Variants in EIF4G3 observed in about 807,000 individuals in gnomAD.
EIF4G3 encodes the protein eIF-4-gamma 3.
EIF4G3 carries 34 observed loss-of-function variants against 186.4 expected under a neutral mutation model. The ratio of observed to expected loss-of-function variants is 0.18; its 90% CI spans 0.14 to 0.24. The LOEUF (loss-of-function observed/expected upper bound fraction) is 0.24, where lower values mean the gene tolerates loss of function less well. Among genes scored for constraint, EIF4G3 ranks in the 10% least tolerant of loss-of-function variants. The pLI is 1.00. For missense variants in EIF4G3, 1,536 were observed against 1,948.5 expected (o/e 0.79, Z 3.99); for synonymous variants, 673 against 679.5 (o/e 0.99, Z 0.15).
chr1:20,960,560 T>G (rs748765953), intron 12 of EIF4G3, among the ~76,000 whole-genome samples: 10 of 152,044 alleles, frequency 6.6e-5, no homozygotes, highest in Non-Finnish European at 1.5e-4. Context: ...GAGACCAGTC[T>G]GGGCAACATA....
chr1:21,130,547 G>A (rs922861387), intron 2 of EIF4G3, among the ~76,000 whole-genome samples: 1 of 151,882 alleles, frequency 6.6e-6, no homozygotes, highest in Non-Finnish European at 1.5e-5. Context: ...AATATCTCAC[G>A]GTAAAGGCCT....
chr1:21,040,545 T>C (rs1434560995), intron 4 of EIF4G3, among the ~76,000 whole-genome samples: 1 of 152,180 alleles, frequency 6.6e-6, no homozygotes, highest in Admixed American at 6.5e-5. Flanking sequence ...CCGGGACGTA[T>C]GGCTGGTATC....
chr1:20,830,424 G>A (rs775689432), intron 30 of EIF4G3, among the ~76,000 whole-genome samples: 3 of 152,186 alleles, frequency 2.0e-5, no homozygotes, highest in Non-Finnish European at 4.4e-5. Flanking sequence ...GCCGAGGACG[G>A]TGTCTGTGCT....
chr1:20,919,201 C>T (rs2094246996), intron 14 of EIF4G3, among the ~76,000 whole-genome samples: 1 of 152,042 alleles, frequency 6.6e-6, no homozygotes, highest in Non-Finnish European at 1.5e-5. Context: ...CAAGACAAAA[C>T]CCAACATTTA....
intron 33 of EIF4G3, among the ~76,000 whole-genome samples, chr1:20,823,805 G>C (rs1184414703): frequency 1.3e-5 from 2 of 152,122 alleles, no homozygotes; most frequent in Non-Finnish European, 2.9e-5. Context: ...AGTCCATGGG[G>C]TCTAAATCTA....
chr1:20,903,337 A>G (rs1449446121), intron 15 of EIF4G3, among the ~76,000 whole-genome samples: 1 of 152,166 alleles, frequency 6.6e-6, no homozygotes, highest in Non-Finnish European at 1.5e-5. Flanking sequence ...CAAGCTGAAG[A>G]TTAGGATGAA....
intron 12 of EIF4G3, 84 bp from the exon 13 acceptor site, chr1:20,950,195 A>G: frequency 1.1e-6 from 1 of 887,130 alleles, no homozygotes; most frequent in Non-Finnish European, 1.7e-6. Flanking sequence ...AGTAGGGAAG[A>G]CAGTAGAGCA....
chr1:20,989,728 T>C (rs934208413), intron 7 of EIF4G3, among the ~76,000 whole-genome samples: 2 of 152,028 alleles, frequency 1.3e-5, no homozygotes, highest in African/African-American at 4.8e-5. Context: ...GTGAACATTG[T>C]TGAAAGGACA....
At chr1:20,949,165 T>G (rs1165996729) in intron 13 of EIF4G3, among the ~76,000 whole-genome samples, 6 of 152,110 alleles carry the variant, frequency 3.9e-5, no homozygotes, top group Non-Finnish European at 8.8e-5. Context: ...TTCCCCGAAC[T>G]ATGTTTAGAA....
chr1:20,986,704 A>ATGCCAC (rs954985311), intron 7 of EIF4G3, among the ~76,000 whole-genome samples: 2 of 135,260 alleles, frequency 1.5e-5, no homozygotes, highest in African/African-American at 5.3e-5. Context: ...AGCCAAGATC[A>ATGCCAC]TGCCACTGCA....
intron 2 of EIF4G3, among the ~76,000 whole-genome samples, chr1:21,114,028 T>A (rs553913784): frequency 6.6e-6 from 1 of 152,250 alleles, no homozygotes; most frequent in East Asian, 1.9e-4. Context: ...TTTTTTTAAA[T>A]CTTATCTGTT....
Position 21,077,183 on chromosome 1 carries a change from G to T in EIF4G3, c.-196+11955C>A, listed in dbSNP as rs1037466149. Among the ~76,000 whole-genome samples, 4 of 152,156 alleles carry T rather than the reference G, an allele frequency of 2.6e-5. No homozygotes were observed. The South Asian group carries it at 8.3e-4, about 32-fold the overall frequency. On this transcript the variant is annotated intron_variant, in intron 3 of 36. Coordinates refer to ENST00000602326, the MANE Select transcript of EIF4G3 (RefSeq NM_001391906.1). ...AGGTCAAGATAGGAGGACTGCTTGA[G>T]CCCAGGCATTCAAGACCATCCTGGG...
chr1:20,999,722 T>C lies in EIF4G3; in HGVS notation c.144+1477A>G, dbSNP rs1160713987. 10 of 454,620 alleles carry C rather than the reference T, an allele frequency of 2.2e-5. 1 individual carries two copies. Among genetic ancestry groups the C allele is most frequent in the Admixed American group, 1.4e-4 (6 of 42,402 alleles). The allele number at this position is 454,620 out of a possible 1,614,324, so 28.2% of individuals were successfully genotyped here. A position where few individuals can be genotyped will look rare whatever the true frequency, so the allele number is the denominator to read the frequency against. Reference sequence around the variant, plus strand: ...CTAGTCTATTTTGCACTAGTCACCATTGGCTATTGAGTTTTTCATTTGAAA... The same window carrying C: ...CTAGTCTATTTTGCACTAGTCACCACTGGCTATTGAGTTTTTCATTTGAAA... On this transcript the variant is annotated intron_variant, in intron 6 of 36. Coordinates refer to ENST00000602326, the MANE Select transcript of EIF4G3 (RefSeq NM_001391906.1).
chr1:20,857,745 A>G (rs1444230706), intron 24 of EIF4G3, among the ~76,000 whole-genome samples: 1 of 152,254 alleles, frequency 6.6e-6, no homozygotes, highest in Admixed American at 6.5e-5. Context: ...CCTAGAAACA[A>G]ACAACTGACA....
rs539911524 is a variant in EIF4G3, at chr1:21,089,972, C to T, written c.-271-759G>A. 2.6e-5 allele frequency among the ~76,000 whole-genome samples: 4 copies of T among 152,248 alleles called. No individual in the cohort carries two copies. The East Asian group carries it at 7.7e-4, about 29-fold the overall frequency. The stretch of plus-strand genomic sequence containing the variant: ...TTTCCCTCTGAGCTCAAGATACAGG[C>T]AAAACAGCTTTTCATAGTGCTACTT... On this transcript the variant is annotated intron_variant, in intron 2 of 36. Coordinates refer to ENST00000602326, the MANE Select transcript of EIF4G3 (RefSeq NM_001391906.1).
chr1:20,871,523 G>A (rs778080892), intron 20 of EIF4G3, among the ~76,000 whole-genome samples: 2 of 152,168 alleles, frequency 1.3e-5, no homozygotes, highest in Non-Finnish European at 2.9e-5. Flanking sequence ...ACTGTCTTCA[G>A]TTTCTTTGAT....
chr1:21,064,395 A>C (rs776229625), intron 3 of EIF4G3: 12 of 152,146 alleles, frequency 7.9e-5, no homozygotes, highest in Non-Finnish European at 1.8e-4. Flanking sequence ...TTTAACTATA[A>C]ATATTTTCTC....
intron 18 of EIF4G3, among the ~76,000 whole-genome samples, chr1:20,886,768 G>T (rs1274072132): frequency 1.3e-5 from 2 of 152,082 alleles, no homozygotes; most frequent in Non-Finnish European, 2.9e-5. Context: ...TACAATCCCA[G>T]GGTAAAATGC....
chr1:20,839,594 A>C (rs986078065), intron 30 of EIF4G3, among the ~76,000 whole-genome samples: 2 of 152,174 alleles, frequency 1.3e-5, no homozygotes, highest in East Asian at 1.9e-4. Context: ...TCCCGGGTTC[A>C]AGCGATTCTT....
Sources: allele counts gnomAD v4.1 joint callset (sites outside exome capture counted in the v4.1 genomes callset), GRCh38; gene constraint gnomAD v4.1.1; transcripts MANE v1.5; gene names NCBI Gene and HGNC (gene_info 2026-07-23, HGNC 2026-07-21).